ST7: variants seen among roughly 807,000 people sequenced by gnomAD.
ST7 encodes the protein suppression of tumorigenicity 7.
In ST7, 28 loss-of-function variants were observed where a neutral mutation model predicts 78.7. That is an observed-to-expected ratio of 0.36 (90% CI 0.26 to 0.49). ST7 has a LOEUF of 0.49. Among genes scored for constraint, ST7 ranks in the 20% least tolerant of loss-of-function variants. The pLI is 0.99. For synonymous variants in ST7, 247 were observed against 249.6 expected (o/e 0.99, Z 0.10); for missense variants, 418 against 696.0 (o/e 0.60, Z 4.49).
intron 9 of ST7, among the ~76,000 whole-genome samples, chr7:117,170,611 G>A (rs955274250): frequency 2.0e-5 from 3 of 152,114 alleles, no homozygotes; most frequent in African/African-American, 7.2e-5. Context: ...AACCCAGGAG[G>A]TGGAGGTTGC....
chr7:117,184,404 T>C (rs1016248584), intron 10 of ST7, among the ~76,000 whole-genome samples: 8 of 152,354 alleles, frequency 5.3e-5, no homozygotes, highest in Admixed American at 3.9e-4. Context: ...CTTAGAATGA[T>C]TTTGAGTTGC....
rs1399034985 is a variant in ST7, at chr7:117,124,288, A to G, written c.394+4568A>G. Among the ~76,000 whole-genome samples, 6 of 152,128 alleles carry G rather than the reference A, an allele frequency of 3.9e-5. No individual in the cohort carries two copies. The South Asian group carries it at 1.0e-3, about 26-fold the overall frequency. ...GTGTCTGCTATCAGCTTTATATGATATTGTCTCTTGTAATCCTCACAATAG... is the reference window on the plus strand; with the variant it reads ...GTGTCTGCTATCAGCTTTATATGATGTTGTCTCTTGTAATCCTCACAATAG... On this transcript the variant is annotated intron_variant, in intron 3 of 15. Coordinates refer to ENST00000323984, the MANE Select transcript of ST7 (RefSeq NM_001369598.1).
chr7:117,116,527 A>T (rs912724803), intron 2 of ST7, among the ~76,000 whole-genome samples: 2 of 152,042 alleles, frequency 1.3e-5, no homozygotes, highest in African/African-American at 4.8e-5. Flanking sequence ...TTATGTTAAG[A>T]CCCTACATGA....
At chr7:117,192,355 GT>G (rs1185155679) in intron 12 of ST7, among the ~76,000 whole-genome samples, 1 of 152,062 alleles carries the variant, frequency 6.6e-6, no homozygotes, top group East Asian at 1.9e-4. Flanking sequence ...GCGAAAACTT[GT>G]GTTCCACTTG....
At chr7:117,138,363 T>C in intron 8 of ST7, 72 bp from the exon 9 acceptor site, 1 of 1,016,026 alleles carries the variant, frequency 9.8e-7, no homozygotes, top group Non-Finnish European at 1.4e-6. Flanking sequence ...AAATTTCCTT[T>C]AGGGGCAAGG....
intron 1 of ST7, among the ~76,000 whole-genome samples, chr7:116,977,991 G>T (rs1203996855): frequency 6.6e-6 from 1 of 152,090 alleles, no homozygotes; most frequent in Non-Finnish European, 1.5e-5. Context: ...CCCTCCTCTG[G>T]CTTCTACTTC....
chr7:117,147,750 C>T lies in ST7; in HGVS notation c.963+9218C>T, dbSNP rs567185098. Among the ~76,000 whole-genome samples the T allele has an allele frequency of 1.6e-4, 25 of 152,088 alleles. No individual in the cohort carries two copies. The South Asian group carries it at 5.2e-3, about 32-fold the overall frequency. ...GTTTCTTCTCCTCCTCATCCTTCTC[C>T]CCCTCTATCCTCTGTGTTTGTTGCC... On this transcript the variant is annotated intron_variant, in intron 9 of 15. Coordinates refer to ENST00000323984, the MANE Select transcript of ST7 (RefSeq NM_001369598.1).
intron 1 of ST7, among the ~76,000 whole-genome samples, chr7:117,076,350 A>G (rs1048244018): frequency 1.3e-5 from 2 of 152,268 alleles, no homozygotes; most frequent in Non-Finnish European, 2.9e-5. Context: ...TTAGCTGATC[A>G]GGATACCAAT....
chr7:117,184,994 C>T (rs1809120799), intron 10 of ST7, among the ~76,000 whole-genome samples: 2 of 152,074 alleles, frequency 1.3e-5, no homozygotes, highest in Non-Finnish European at 2.9e-5. Flanking sequence ...AAGCCTCACC[C>T]TTTTTTGTGG....
intron 1 of ST7, among the ~76,000 whole-genome samples, chr7:116,964,536 T>G (rs183178029): frequency 6.6e-6 from 1 of 152,320 alleles, no homozygotes; most frequent in Admixed American, 6.5e-5. Context: ...TGTGTATGTT[T>G]GTGCAGAATT....
intron 1 of ST7, among the ~76,000 whole-genome samples, chr7:117,000,608 T>C (rs1794893745): frequency 6.6e-6 from 1 of 152,262 alleles, no homozygotes; most frequent in South Asian, 2.1e-4. Context: ...CAGTTACTTC[T>C]GTAGTCTATC....
At chr7:117,115,289 C>G (rs1802771419) in intron 2 of ST7, among the ~76,000 whole-genome samples, 1 of 152,112 alleles carries the variant, frequency 6.6e-6, no homozygotes, top group Admixed American at 6.6e-5. Flanking sequence ...AGAATGTCTC[C>G]CCCTATTCAT....
chr7:116,981,193 C>T (rs542160817), intron 1 of ST7, among the ~76,000 whole-genome samples: 1 of 152,142 alleles, frequency 6.6e-6, no homozygotes, highest in East Asian at 1.9e-4. Context: ...ACTGCAGCCT[C>T]GACCTCCCAG....
Position 117,189,363 on chromosome 7 carries a change from C to G in ST7, c.1121C>G (p.Ala374Gly). ...PKSATICYTA[A>G]LLKARAVSDK... is the part of the protein sequence containing the mutation. Reference sequence around the variant, plus strand: ...TCAGCAACAATATGCTACACAGCTGCTTTGCTCAAAGCAAGAGCTGTCTCT... The same window carrying G: ...TCAGCAACAATATGCTACACAGCTGGTTTGCTCAAAGCAAGAGCTGTCTCT... Residue 374 changes from alanine to glycine, a missense_variant, in exon 11 of 16, where the codon GCT (alanine) becomes GGT (glycine). Around this residue, in one of 4 missense-constraint regions of ST7, gnomAD observed 288 missense variants for 537.1 expected, o/e 0.54. Transcript: ENST00000323984. 6.2e-7 allele frequency: 1 copy of G among 1,608,718 alleles called. No individual in the cohort carries two copies. Among genetic ancestry groups the G allele is most frequent in the Non-Finnish European group, 8.5e-7 (1 of 1,177,108 alleles).
At chr7:116,983,002 G>A (rs750221501) in intron 1 of ST7, among the ~76,000 whole-genome samples, 12 of 152,098 alleles carry the variant, frequency 7.9e-5, no homozygotes, top group Non-Finnish European at 1.2e-4. Flanking sequence ...AGGTTCAAGC[G>A]ATTCTCCTGC....
At chr7:117,213,926 T>G (rs1201722621) in intron 13 of ST7, among the ~76,000 whole-genome samples, 1 of 152,194 alleles carries the variant, frequency 6.6e-6, no homozygotes, top group Non-Finnish European at 1.5e-5. Flanking sequence ...ATAAAAAACA[T>G]AGAAACGAAG....
intron 1 of ST7, among the ~76,000 whole-genome samples, chr7:117,054,277 C>A (rs1797947927): frequency 1.3e-5 from 2 of 152,184 alleles, no homozygotes; most frequent in Admixed American, 1.3e-4. Flanking sequence ...AAGAACACAG[C>A]CAGTGAAGTG....
rs754926097 is a variant in ST7 at position 117,119,714 on chromosome 7, G to A, written c.388G>A (p.Val130Ile). Residue 130 changes from valine to isoleucine, a missense_variant, in exon 3 of 16, where the codon GTC (valine) becomes ATC (isoleucine). Physicochemically the swap from Val to Ile is conservative, Grantham distance 29. This residue lies in a region of ST7 where 36 missense variants were observed against 29.7 expected (regional missense o/e 1.21). Coordinates refer to ENST00000323984, the MANE Select transcript of ST7 (RefSeq NM_001369598.1). ...GGACTCAGATTCCAATAGGCAAAGT[G>A]TCTCAGGTATGGAATTTCCTTCAGT... is the stretch of plus-strand genomic sequence containing the variant. ...NGDSDSNRQS[V>I]SECKVWRNPL... 3 of 1,610,832 alleles carry A rather than the reference G, an allele frequency of 1.9e-6. No individual in the cohort carries two copies. The highest frequency in any genetic ancestry group is 3.4e-5 in the Admixed American group (2 of 58,910).
intron 1 of ST7, among the ~76,000 whole-genome samples, chr7:117,042,673 G>A (rs1323230181): frequency 1.3e-5 from 2 of 152,028 alleles, no homozygotes; most frequent in Admixed American, 1.3e-4. Context: ...AAATTTTCAT[G>A]TAGTCAGATT....
Sources: allele counts gnomAD v4.1 joint callset (sites outside exome capture counted in the v4.1 genomes callset), GRCh38; gene constraint gnomAD v4.1.1; regional missense constraint gnomAD v4.1.1; transcripts MANE v1.5; gene names NCBI Gene and HGNC (gene_info 2026-07-23, HGNC 2026-07-21).